Variants in LMLN observed in about 807,000 individuals in gnomAD.
The protein encoded by LMLN is leishmanolysin like peptidase.
Under a neutral mutation model 92.3 loss-of-function variants are expected in LMLN, and 70 were observed. The observed-to-expected ratio is 0.76, with a 90% confidence interval of 0.63 to 0.92. The LOEUF is 0.92. Ranked by LOEUF, LMLN falls within the 40% of genes least tolerant of loss-of-function variation. LMLN has a pLI of 0.00. For missense variants in LMLN, 691 were observed against 814.6 expected (o/e 0.85, Z 1.85); for synonymous variants, 308 against 296.2 (o/e 1.04, Z -0.41).
At chr3:198,022,372 G>A (rs761675570) in intron 13 of LMLN, among the ~76,000 whole-genome samples, 10 of 152,220 alleles carry the variant, frequency 6.6e-5, no homozygotes, top group Non-Finnish European at 7.3e-5. Context: ...GTAAGAAAGA[G>A]CAGTAAGTAG....
At chr3:198,021,274 C>T (rs942880305) in intron 12 of LMLN, among the ~76,000 whole-genome samples, 172 bp from the exon 14 acceptor site, 2 of 152,192 alleles carry the variant, frequency 1.3e-5, no homozygotes, top group African/African-American at 4.8e-5. Context: ...CCTTTAACTA[C>T]TCCTCTGGTG....
At chr3:198,020,698 A>G (rs965727329) in intron 12 of LMLN, among the ~76,000 whole-genome samples, 2 of 143,942 alleles carry the variant, frequency 1.4e-5, no homozygotes, top group Non-Finnish European at 3.0e-5. Flanking sequence ...GGTTCAAACT[A>G]TTCTCCTGCC....
exon 1 of LMLN, chr3:197,960,241 C>G (rs1216658202): frequency 1.9e-6 from 3 of 1,610,732 alleles, no homozygotes; most frequent in Non-Finnish European, 2.5e-6. Flanking sequence ...ACGCTCGGCC[C>G]GAAGATGGCG....
intron 5 of LMLN, 30 bp downstream of exon 5, chr3:197,976,745 T>C (rs375553041): frequency 2.6e-4 from 300 of 1,147,584 alleles, no homozygotes; most frequent in Non-Finnish European, 3.5e-4. Flanking sequence ...GCAGTGCTTT[T>C]ACACCTGAGG....
At chr3:197,973,387 G>A (rs1442493894) in intron 1 of LMLN, among the ~76,000 whole-genome samples, 4 of 151,848 alleles carry the variant, frequency 2.6e-5, no homozygotes, top group Admixed American at 2.0e-4. Flanking sequence ...GACTACAGGC[G>A]CCTGCCACCA....
At chr3:197,986,027 A>C in intron 8 of LMLN, 137 bp downstream of exon 8, 1 of 598,540 alleles carries the variant, frequency 1.7e-6, no homozygotes, top group South Asian at 2.3e-5. Context: ...ATATTAAAAC[A>C]AAATGGGATA....
At chr3:198,009,501 TTCC>T (rs1722377690) in intron 11 of LMLN, among the ~76,000 whole-genome samples, 1 of 152,140 alleles carries the variant, frequency 6.6e-6, no homozygotes, top group Non-Finnish European at 1.5e-5. Flanking sequence ...TAGGAAGTTT[TTCC>T]TCCTCTTCTA....
rs146554742 is a variant in LMLN, at chr3:198,006,102, G to GT, written c.1232+6761dup. Among the ~76,000 whole-genome samples, 30 of 152,268 alleles carry GT rather than the reference G, an allele frequency of 2.0e-4. No individual in the cohort carries two copies. In the East Asian group the frequency reaches 5.8e-3, roughly 29 times the overall value. The stretch of plus-strand genomic sequence containing the variant: ...ACTGTATTCCAGCCTGGGTGACAGA[G>GT]TGAGGCTCTGTCTCAAAAAAGAGAA... On this transcript the variant is annotated intron_variant, in intron 11 of 15. Coordinates refer to ENST00000330198, the Ensembl canonical transcript of LMLN.
At chr3:197,961,689 A>AG (rs1470921573) in intron 1 of LMLN, among the ~76,000 whole-genome samples, 1 of 152,190 alleles carries the variant, frequency 6.6e-6, no homozygotes, top group Non-Finnish European at 1.5e-5. Flanking sequence ...GAGTATAGCC[A>AG]GGAGCTACAG....
chr3:197,980,450 A>T, exon 6 of LMLN: 1 of 1,614,110 alleles, frequency 6.2e-7, no homozygotes, highest in Middle Eastern at 1.6e-4. Context: ...AGATGCAGCC[A>T]TGAAAACATC....
At chr3:197,965,169 C>T (rs1186880133) in intron 1 of LMLN, among the ~76,000 whole-genome samples, 1 of 152,096 alleles carries the variant, frequency 6.6e-6, no homozygotes, top group Admixed American at 6.6e-5. Context: ...CACATGCCAC[C>T]ACACCTGGCA....
chr3:198,016,951 A>T (rs1331428188), intron 11 of LMLN, among the ~76,000 whole-genome samples: 2 of 152,120 alleles, frequency 1.3e-5, no homozygotes, highest in East Asian at 3.9e-4. Flanking sequence ...TGTTCCTGTC[A>T]TCTTCCCCAT....
intron 6 of LMLN, among the ~76,000 whole-genome samples, chr3:197,981,094 C>T (rs1373352037): frequency 6.6e-6 from 1 of 151,042 alleles, no homozygotes; most frequent in Non-Finnish European, 1.5e-5. Context: ...CAGAGTGAAA[C>T]CTTGTCCCTC....
intron 9 of LMLN, among the ~76,000 whole-genome samples, chr3:197,994,448 C>A (rs911526248): frequency 6.6e-6 from 1 of 152,098 alleles, no homozygotes; most frequent in African/African-American, 2.4e-5. Flanking sequence ...GGGCCAAGGA[C>A]CTGAATAGAC....
chr3:197,986,067 G>C (rs900185523), intron 8 of LMLN, among the ~76,000 whole-genome samples, 177 bp downstream of exon 8: 5 of 152,170 alleles, frequency 3.3e-5, no homozygotes, highest in Admixed American at 3.3e-4. Context: ...AACATAACTT[G>C]TGAGATGTAA....
chr3:197,971,944 C>CTTTTTTTTTTTTTTTTTTTTTT (rs756710031), intron 1 of LMLN, among the ~76,000 whole-genome samples: 9 of 81,216 alleles, frequency 1.1e-4, no homozygotes, highest in Admixed American at 1.4e-4. Context: ...AGTCTCTGTT[C>CTTTTTTTTTTTTTTTTTTTTTT]TTTTTTTTTT....
At chr3:198,006,497 T>G (rs1156774220) in intron 11 of LMLN, among the ~76,000 whole-genome samples, 1 of 152,224 alleles carries the variant, frequency 6.6e-6, no homozygotes, top group East Asian at 1.9e-4. Flanking sequence ...AATGCCAAAC[T>G]TTTTAATTCC....
chr3:198,019,351 A>T lies in LMLN; in HGVS notation c.1331A>T (p.Gln444Leu). The T allele has an allele frequency of 1.2e-6, 2 of 1,614,168 alleles. No individual in the cohort carries two copies. The highest frequency in any genetic ancestry group is 1.7e-6 in the Non-Finnish European group (2 of 1,180,018). Residue 444 changes from glutamine to leucine, a missense_variant, in exon 12 of 16, where the codon CAG (glutamine) becomes CTG (leucine). Gln to Leu is a moderately radical substitution (Grantham distance 113). Transcript: ENST00000330198. This position sits in a 1 kb window ranked among gnomAD's most constrained non-coding sequence, Gnocchi z 5.5. ...AGAGCAGTTGCCGTGTGTAATTTGC[A>T]GAAGTTCCCTAAGCCTTTACCACAG...
intron 7 of LMLN, 131 bp from the exon 8 acceptor site, chr3:197,985,662 TAGG>T (rs1721685727): frequency 1.9e-6 from 1 of 516,242 alleles, no homozygotes; most frequent in Non-Finnish European, 3.5e-6. Flanking sequence ...AATTCCAGCG[TAGG>T]AGAAGTTCCT....
Sources: gnomAD v4.1 joint callset for allele counts (sites outside exome capture counted in the v4.1 genomes callset) on GRCh38, gnomAD v4.1.1 for gene constraint, Gnocchi (gnomAD v3.1) non-coding constraint, MANE v1.5 for transcripts, NCBI Gene and HGNC (gene_info 2026-07-23, HGNC 2026-07-21) for gene names.